SLC9C1: variants seen among roughly 807,000 people sequenced by gnomAD.
SLC9C1 encodes the protein solute carrier family 9 member C1.
SLC9C1 carries 97 observed loss-of-function variants against 140.9 expected under a neutral mutation model. The observed-to-expected ratio is 0.69, with a 90% CI of 0.58 to 0.82. The LOEUF is 0.82. Ranked by LOEUF, SLC9C1 falls within the 40% of genes least tolerant of loss-of-function variation. The pLI is 0.00. For synonymous variants in SLC9C1, 440 were observed against 442.6 expected (o/e 0.99, Z 0.07); for missense variants, 1,340 against 1,389.3 (o/e 0.96, Z 0.56).
At chr3:112,245,016 A>G (rs974337061) in intron 10 of SLC9C1, among the ~76,000 whole-genome samples, 13 of 152,210 alleles carry the variant, frequency 8.5e-5, no homozygotes, top group Non-Finnish European at 1.0e-4. Flanking sequence ...CTACTCATAT[A>G]ACTCTCAATC....
chr3:112,206,360 G>A (rs2078048228), intron 16 of SLC9C1, among the ~76,000 whole-genome samples: 1 of 152,114 alleles, frequency 6.6e-6, no homozygotes, highest in South Asian at 2.1e-4. Flanking sequence ...TGCTGGAGAG[G>A]ATGTGGAGAC....
chr3:112,166,441 G>A (rs1486137182), intron 26 of SLC9C1, among the ~76,000 whole-genome samples: 1 of 152,204 alleles, frequency 6.6e-6, no homozygotes, highest in East Asian at 1.9e-4. Flanking sequence ...AGCTCCACAT[G>A]GCTGGGGAGG....
intron 25 of SLC9C1, among the ~76,000 whole-genome samples, chr3:112,168,480 C>T (rs2077183100): frequency 6.6e-6 from 1 of 152,164 alleles, no homozygotes; most frequent in Non-Finnish European, 1.5e-5. Flanking sequence ...AGGAATACTA[C>T]TAATACTCAA....
chr3:112,247,414 G>A (rs1366548244), intron 10 of SLC9C1, among the ~76,000 whole-genome samples: 1 of 152,166 alleles, frequency 6.6e-6, no homozygotes, highest in East Asian at 1.9e-4. Flanking sequence ...TTCAACCATA[G>A]TTAATAACGT....
At chr3:112,276,830 T>G (rs1397576935) in intron 5 of SLC9C1, among the ~76,000 whole-genome samples, 1 of 152,108 alleles carries the variant, frequency 6.6e-6, no homozygotes, top group African/African-American at 2.4e-5. Context: ...TGGCATCTTC[T>G]TCTAAAGTGT....
At chr3:112,241,762 T>G (rs926509387) in intron 11 of SLC9C1, among the ~76,000 whole-genome samples, 1 of 152,056 alleles carries the variant, frequency 6.6e-6, no homozygotes, top group African/African-American at 2.4e-5. Context: ...CATAGCTCAA[T>G]GGGACAGAAT....
chr3:112,169,041 G>A lies in SLC9C1; in HGVS notation c.3073C>T (p.Leu1025=), dbSNP rs1364792006. 3 of 1,593,522 alleles carry A rather than the reference G, an allele frequency of 1.9e-6. No homozygotes were observed. Among genetic ancestry groups the A allele is most frequent in the Non-Finnish European group, 1.7e-6 (2 of 1,173,506 alleles). ...ACTACATAAATATTAGAGAGCTTTA[G>A]TTGCATATTGTAGTTCCAATCCTGT... The part of the protein sequence containing the change: ...SYEDWNYNMQ[L]KLSNIYVVDI... The change falls in exon 25 of 29, where the codon CTA becomes TTA. Residue 1025 remains leucine, a synonymous_variant. Transcript: ENST00000305815.
intron 13 of SLC9C1, among the ~76,000 whole-genome samples, chr3:112,228,835 T>C (rs1015327988): frequency 1.3e-5 from 2 of 152,066 alleles, no homozygotes; most frequent in African/African-American, 2.4e-5. Flanking sequence ...TAATGAGATA[T>C]TATCTTTCCC....
At chr3:112,269,868 T>C (rs1178693552) in intron 7 of SLC9C1, 48 bp downstream of exon 7, 2 of 1,425,782 alleles carry the variant, frequency 1.4e-6, no homozygotes, top group Non-Finnish European at 1.8e-6. Flanking sequence ...TATTTTTATT[T>C]TGAAGTTTTC....
At chr3:112,141,636 C>G (rs1182057489) in intron 28 of SLC9C1, among the ~76,000 whole-genome samples, 2 of 152,124 alleles carry the variant, frequency 1.3e-5, no homozygotes, top group Admixed American at 6.6e-5. Context: ...ATAAAAACCC[C>G]CTTCATCAAA....
At chr3:112,168,660 G>C (rs967362995) in intron 25 of SLC9C1, among the ~76,000 whole-genome samples, 1 of 152,178 alleles carries the variant, frequency 6.6e-6, no homozygotes, top group Non-Finnish European at 1.5e-5. Context: ...AATAGCTTGT[G>C]CTTGGGCTAG....
chr3:112,266,056 C>G (rs2079909764), intron 8 of SLC9C1, among the ~76,000 whole-genome samples, 182 bp downstream of exon 8: 2 of 151,922 alleles, frequency 1.3e-5, no homozygotes, highest in African/African-American at 2.4e-5. Context: ...TACGAATTTG[C>G]TTTAAATTGG....
At chr3:112,212,308 T>A (rs1385181820) in intron 15 of SLC9C1, among the ~76,000 whole-genome samples, 1 of 152,086 alleles carries the variant, frequency 6.6e-6, no homozygotes, top group African/African-American at 2.4e-5. Flanking sequence ...CCTCTCCCCC[T>A]CCAAAAGAAC....
intron 10 of SLC9C1, among the ~76,000 whole-genome samples, chr3:112,249,169 A>AT (rs2079378321): frequency 6.6e-6 from 1 of 151,750 alleles, no homozygotes; most frequent in South Asian, 2.1e-4. Context: ...GTAATGTTGG[A>AT]TTTTATCAAA....
At chr3:112,260,295 G>GA (rs57037009) in intron 10 of SLC9C1, among the ~76,000 whole-genome samples, 89,689 of 151,546 alleles carry the variant, frequency 0.59, 27,025 homozygotes, top group East Asian at 0.79. Flanking sequence ...TTTTTCTTTA[G>GA]TTTTTTTATG....
chr3:112,224,463 T>C (rs947944162), intron 13 of SLC9C1, among the ~76,000 whole-genome samples: 1 of 151,970 alleles, frequency 6.6e-6, no homozygotes, highest in African/African-American at 2.4e-5. Context: ...CACCAGCAAC[T>C]GGTCCCAAAG....
At chr3:112,177,146 A>G (rs1384020335) in intron 23 of SLC9C1, among the ~76,000 whole-genome samples, 4 of 151,478 alleles carry the variant, frequency 2.6e-5, no homozygotes, top group African/African-American at 7.3e-5. Context: ...AGTTGGGATT[A>G]CAGGTGTGCA....
intron 20 of SLC9C1, among the ~76,000 whole-genome samples, chr3:112,183,356 T>TTTTTTTTTTTTTTTTTTTTTTTTTC (rs2077476699): frequency 2.4e-5 from 1 of 41,290 alleles, no homozygotes; most frequent in Non-Finnish European, 6.1e-5. Flanking sequence ...TTTCTTTTTT[T>TTTTTTTTTTTTTTTTTTTTTTTTTC]TTTTTTTTTT....
chr3:112,246,552 A>G (rs889799524), intron 10 of SLC9C1, among the ~76,000 whole-genome samples: 3 of 152,150 alleles, frequency 2.0e-5, no homozygotes, highest in African/African-American at 4.8e-5. Flanking sequence ...AGTCTGCCCT[A>G]CTAGATTTAG....
Sources: allele counts gnomAD v4.1 joint callset (sites outside exome capture counted in the v4.1 genomes callset), GRCh38; gene constraint gnomAD v4.1.1; transcripts MANE v1.5; gene names NCBI Gene and HGNC (gene_info 2026-07-23, HGNC 2026-07-21).